LYRM4: variants seen among roughly 807,000 people sequenced by gnomAD.
LYRM4 encodes the protein LYR motif containing 4.
LYRM4 carries 9 observed loss-of-function variants against 11.7 expected under a neutral mutation model. That is an observed-to-expected ratio of 0.77 (90% confidence interval 0.46 to 1.34). The LOEUF is 1.34. Ranked by LOEUF, LYRM4 falls within the 40% of genes most tolerant of loss-of-function variation. LYRM4 has a pLI of 0.00. For missense variants in LYRM4, 133 were observed against 112.5 expected (o/e 1.18, Z -0.82); for synonymous variants, 42 against 40.4 (o/e 1.04, Z -0.15).
chr6:5,056,615 G>T, the LYRM4 span, among the ~76,000 whole-genome samples: 4 of 152,294 alleles, frequency 2.6e-5, no homozygotes, highest in Admixed American at 6.5e-5. Flanking sequence ...AATCACATTT[G>T]TTTCAATGCT....
chr6:5,050,440 T>C, the LYRM4 span, among the ~76,000 whole-genome samples: 3 of 152,356 alleles, frequency 2.0e-5, no homozygotes, highest in East Asian at 1.9e-4. Flanking sequence ...GCTGCAACCA[T>C]CATTTGCACT....
the LYRM4 span, among the ~76,000 whole-genome samples, chr6:5,035,889 A>C: frequency 6.9e-6 from 1 of 145,190 alleles, no homozygotes; most frequent in Non-Finnish European, 1.5e-5. Context: ...CTTATGTTGC[A>C]CTTTTATTTC....
intron 1 of LYRM4, among the ~76,000 whole-genome samples, chr6:5,241,509 C>T (rs1040364588): frequency 6.6e-6 from 1 of 152,176 alleles, no homozygotes; most frequent in Non-Finnish European, 1.5e-5. Flanking sequence ...CTTTTGATCC[C>T]TGGAATCAGA....
chr6:5,258,718 T>G (rs1488642371), intron 1 of LYRM4, among the ~76,000 whole-genome samples: 1 of 152,258 alleles, frequency 6.6e-6, no homozygotes, highest in Non-Finnish European at 1.5e-5. Flanking sequence ...TTCCTTTGGA[T>G]AATATATTTA....
intron 2 of LYRM4, among the ~76,000 whole-genome samples, chr6:5,202,287 G>C (rs939831786): frequency 6.6e-6 from 1 of 152,198 alleles, no homozygotes. Flanking sequence ...AAATTGCATT[G>C]TGTGAAGGGT....
chr6:5,095,860 G>A, the LYRM4 span, among the ~76,000 whole-genome samples: 194 of 152,130 alleles, frequency 1.3e-3, 7 homozygotes, highest in South Asian at 0.038. Context: ...CACCCCTGCC[G>A]TCCCAGCTAT....
chr6:5,171,495 C>T (rs1759424260), intron 2 of LYRM4, among the ~76,000 whole-genome samples: 1 of 152,178 alleles, frequency 6.6e-6, no homozygotes, highest in Non-Finnish European at 1.5e-5. Context: ...TAAATGATTC[C>T]TGGTGTGTGT....
At chr6:5,118,408 T>C (rs1014889581) in intron 2 of LYRM4, among the ~76,000 whole-genome samples, 5 of 152,128 alleles carry the variant, frequency 3.3e-5, no homozygotes, top group African/African-American at 1.2e-4. Context: ...TGAGCCACCA[T>C]GCCTGGCCAA....
At position 5,172,462 on chromosome 6, in the gene LYRM4, G is replaced by A. The variant is rs570908342; in HGVS notation, c.207+44156C>T. On this transcript the variant is annotated intron_variant, in intron 2 of 2. Transcript: ENST00000330636. ...CTCCCTTCCTTTTGCTTTGATGCTA[G>A]CGTCACTAAGCTGCCCCGACCCTAC... 3.3e-5 allele frequency among the ~76,000 whole-genome samples: 5 copies of A among 152,278 alleles called. No individual in the cohort carries two copies. In the East Asian group the frequency reaches 7.7e-4, roughly 23 times the overall value.
At chr6:5,214,490 G>A (rs1325603014) in intron 2 of LYRM4, among the ~76,000 whole-genome samples, 1 of 152,206 alleles carries the variant, frequency 6.6e-6, no homozygotes, top group Non-Finnish European at 1.5e-5. Context: ...TGAAGGGGTT[G>A]AACGGGGCAG....
At chr6:5,247,025 G>A (rs1764226716) in intron 1 of LYRM4, among the ~76,000 whole-genome samples, 1 of 152,186 alleles carries the variant, frequency 6.6e-6, no homozygotes, top group Non-Finnish European at 1.5e-5. Context: ...ACACAGGAAA[G>A]GAGATGTGTC....
At chr6:5,057,044 T>C in the LYRM4 span, among the ~76,000 whole-genome samples, 18 of 152,308 alleles carry the variant, frequency 1.2e-4, no homozygotes, top group South Asian at 1.7e-3. Context: ...TTTTTATTGG[T>C]TTATCTAGGA....
At chr6:5,032,310 G>A in the LYRM4 span, 90 of 152,252 alleles carry the variant, frequency 5.9e-4, 1 homozygote, top group African/African-American at 2.0e-3. Flanking sequence ...TATTTCTTGG[G>A]TCTGTGTATA....
downstream of LYRM4, among the ~76,000 whole-genome samples, chr6:5,102,092 C>T (rs1351262820): frequency 3.3e-5 from 5 of 150,192 alleles, no homozygotes; most frequent in Non-Finnish European, 4.4e-5. Context: ...TGCACCTGGC[C>T]TGATTTTTTT....
At chr6:5,086,685 G>A in the LYRM4 span, 1 of 755,216 alleles carries the variant, frequency 1.3e-6, no homozygotes. Context: ...AGGGGCGCGT[G>A]GAGGGAAAGG....
intron 1 of LYRM4, among the ~76,000 whole-genome samples, chr6:5,232,091 G>A (rs548043748): frequency 1.5e-4 from 23 of 152,230 alleles, no homozygotes; most frequent in African/African-American, 5.3e-4. Context: ...GCATTGATCT[G>A]TCAAAACACA....
intron 2 of LYRM4, among the ~76,000 whole-genome samples, chr6:5,143,071 G>C (rs987535939): frequency 6.6e-6 from 1 of 152,232 alleles, no homozygotes; most frequent in African/African-American, 2.4e-5. Flanking sequence ...CACATGTATT[G>C]GTTCAGAGCT....
chr6:5,230,793 G>T (rs1763191508), intron 1 of LYRM4, among the ~76,000 whole-genome samples: 1 of 152,054 alleles, frequency 6.6e-6, no homozygotes, highest in Non-Finnish European at 1.5e-5. Context: ...TTAGTCACTG[G>T]CAACAACACA....
At chr6:5,259,896 G>T (rs190127071) in intron 1 of LYRM4, among the ~76,000 whole-genome samples, 1 of 152,174 alleles carries the variant, frequency 6.6e-6, no homozygotes, top group Admixed American at 6.5e-5. Context: ...TGAAAGCAGA[G>T]GCTCTGAATT....
Sources: gnomAD v4.1 joint callset for allele counts (sites outside exome capture counted in the v4.1 genomes callset) on GRCh38, gnomAD v4.1.1 for gene constraint, MANE v1.5 for transcripts, NCBI Gene and HGNC (gene_info 2026-07-23, HGNC 2026-07-21) for gene names.